Variants in ART3 observed in about 807,000 individuals in gnomAD.
The protein encoded by ART3 is ecto-ADP-ribosyltransferase 3.
ART3 carries 49 observed loss-of-function variants against 48.5 expected under a neutral mutation model. The ratio of observed to expected loss-of-function variants is 1.01; its 90% CI spans 0.80 to 1.28. The LOEUF is 1.28. ART3 is among the 50% of genes most tolerant of loss of function. The probability of loss-of-function intolerance (pLI) is 0.00; values close to 1 mark genes in which losing one functional copy is unlikely to be tolerated. For missense variants in ART3, 438 were observed against 454.3 expected, an observed-to-expected ratio of 0.96 and a Z score of 0.33; for synonymous variants, 145 against 157.2, an observed-to-expected ratio of 0.92 and a Z score of 0.58.
intron 1 of ART3, among the ~76,000 whole-genome samples, chr4:76,039,865 A>C (rs955997433): frequency 2.0e-5 from 3 of 152,220 alleles, no homozygotes; most frequent in African/African-American, 7.2e-5. Context: ...TTCATGTGTG[A>C]ATTACTACTT....
intron 3 of ART3, among the ~76,000 whole-genome samples, chr4:76,085,634 G>A (rs901927915): frequency 2.0e-5 from 3 of 152,044 alleles, no homozygotes; most frequent in Non-Finnish European, 2.9e-5. Flanking sequence ...AAAAGATAGG[G>A]GAAAAAAGAC....
At position 76,100,285 on chromosome 4, in the gene ART3, A is replaced by G. The variant is rs1451721126; in HGVS notation, c.848-6A>G. ...AAAACTGATGAACTTCTTTTCTGTG[A>G]CTCAGGTGAGAAAAACCAGAAGCTT... On this transcript the variant is annotated splice_region_variant and splice_polypyrimidine_tract_variant and intron_variant, in intron 5 of 11. Coordinates refer to ENST00000355810, the MANE Select transcript of ART3 (RefSeq NM_001130016.3). The G allele has an allele frequency of 6.2e-7, 1 of 1,611,848 alleles. No individual in the cohort carries two copies. Among genetic ancestry groups the G allele is most frequent in the Non-Finnish European group, 8.5e-7 (1 of 1,178,802 alleles).
In ART3 at chr4:76,082,442, G is replaced by A. The variant is rs1480676933; in HGVS notation, c.688G>A (p.Val230Ile). 1.2e-6 allele frequency: 2 copies of A among 1,613,646 alleles called. No individual in the cohort carries two copies. Among genetic ancestry groups the A allele is most frequent in the Admixed American group, 1.7e-5 (1 of 60,008 alleles). Residue 230 changes from valine (V) to isoleucine (I), a missense_variant, in exon 3 of 12, where the codon GTT (valine) becomes ATT (isoleucine). Physicochemically the swap from Val to Ile is conservative, Grantham distance 29. Around this residue, in one of 3 missense-constraint regions of ART3, gnomAD observed 227 missense variants for 229.6 expected, o/e 0.99. Transcript: ENST00000355810. ...AATTACTTTAATACCTCTGAATGAG[G>A]TTTTTCAAGTGTCACAGGAGGGGGC... ...ERITLIPLNE[V>I]FQVSQEGAGN...
At chr4:76,056,217 G>A (rs961899060) in intron 1 of ART3, among the ~76,000 whole-genome samples, 5 of 152,160 alleles carry the variant, frequency 3.3e-5, no homozygotes, top group African/African-American at 1.2e-4. Flanking sequence ...TTATCTCTCT[G>A]CTCATTCTAG....
chr4:76,012,467 C>A (rs1731895019), intron 1 of ART3, among the ~76,000 whole-genome samples: 2 of 152,174 alleles, frequency 1.3e-5, no homozygotes, highest in Admixed American at 1.3e-4. Context: ...GGAGTCATTC[C>A]TTCCTTCCTA....
chr4:76,063,109 G>A (rs1719392411), intron 1 of ART3, among the ~76,000 whole-genome samples: 1 of 151,884 alleles, frequency 6.6e-6, no homozygotes, highest in Non-Finnish European at 1.5e-5. Flanking sequence ...CTCTTTCACT[G>A]CGTAATTACT....
rs181938387 is a variant in ART3 at position 76,080,770 on chromosome 4, G to C, written c.70-1054G>C. Among the ~76,000 whole-genome samples the C allele has an allele frequency of 3.9e-3, 586 of 152,168 alleles. 5 individuals are homozygous for C. The highest frequency in any genetic ancestry group is 0.013 in the African/African-American group (554 of 41,524). On this transcript the variant is annotated intron_variant, in intron 2 of 11. Transcript: ENST00000355810. The stretch of plus-strand genomic sequence containing the variant: ...ATGATCTGCCCGCCTCGGCCTCCCA[G>C]AGTGCTGGGATTACAGACATGAGCC...
At chr4:76,045,880 C>T (rs2149439906) in intron 1 of ART3, among the ~76,000 whole-genome samples, 1 of 152,122 alleles carries the variant, frequency 6.6e-6, no homozygotes, top group Non-Finnish European at 1.5e-5. Context: ...GAGGATAAGC[C>T]AGTATAGGCT....
upstream of ART3, among the ~76,000 whole-genome samples, chr4:76,072,844 G>T (rs947940212): frequency 2.0e-4 from 31 of 152,030 alleles, no homozygotes; most frequent in African/African-American, 6.8e-4. Context: ...CTTGTCTCAG[G>T]GCTTTAGTAC....
chr4:76,103,423 C>G (rs1013475116), intron 8 of ART3, among the ~76,000 whole-genome samples: 1 of 152,078 alleles, frequency 6.6e-6, no homozygotes, highest in African/African-American at 2.4e-5. Context: ...TAGACAAGAA[C>G]AAAGGGACTT....
chr4:76,060,577 A>C (rs1446388927), intron 1 of ART3, among the ~76,000 whole-genome samples: 2 of 151,424 alleles, frequency 1.3e-5, no homozygotes, highest in Non-Finnish European at 2.9e-5. Flanking sequence ...GGAATCTGTG[A>C]ATATGTTATA....
At chr4:76,040,816 A>C (rs1415079040) in intron 1 of ART3, among the ~76,000 whole-genome samples, 1 of 152,092 alleles carries the variant, frequency 6.6e-6, no homozygotes, top group African/African-American at 2.4e-5. Context: ...CAGAGTAAGG[A>C]GAGGGATTGG....
chr4:76,023,289 A>G, intron 1 of ART3: 2 of 1,103,826 alleles, frequency 1.8e-6, no homozygotes, highest in South Asian at 1.3e-5. Context: ...ACTTTTACAA[A>G]TACATTATTT....
rs140539683 is a variant in ART3, at chr4:76,095,303, T to A, written c.782-2341T>A. Among the ~76,000 whole-genome samples, 51 of 151,736 alleles carry A rather than the reference T, an allele frequency of 3.4e-4. No individual in the cohort carries two copies. The East Asian group carries it at 9.7e-3, about 29-fold the overall frequency. On this transcript the variant is annotated intron_variant, in intron 3 of 11. Coordinates refer to ENST00000355810, the MANE Select transcript of ART3 (RefSeq NM_001130016.3). Reference sequence around the variant, plus strand: ...CAGGTGGATCATCCAAGGTCAGGAGTTCAAGACCAGCCTCGCCAACATGGT... The same window carrying A: ...CAGGTGGATCATCCAAGGTCAGGAGATCAAGACCAGCCTCGCCAACATGGT...
chr4:76,019,233 T>C (rs375027805), intron 1 of ART3, among the ~76,000 whole-genome samples: 3 of 151,752 alleles, frequency 2.0e-5, no homozygotes, highest in African/African-American at 4.8e-5. Context: ...GTAGAGTAAT[T>C]ACAGAGAATA....
At chr4:76,048,103 G>A (rs977172748) in intron 1 of ART3, among the ~76,000 whole-genome samples, 1 of 151,888 alleles carries the variant, frequency 6.6e-6, no homozygotes, top group Non-Finnish European at 1.5e-5. Flanking sequence ...GATTAGAGGA[G>A]GATTATCACT....
chr4:76,043,040 C>T (rs1234160315), intron 1 of ART3, among the ~76,000 whole-genome samples: 4 of 151,750 alleles, frequency 2.6e-5, no homozygotes, highest in Non-Finnish European at 5.9e-5. Flanking sequence ...TCTCCGGGGC[C>T]CCACCAGAAT....
At chr4:76,035,463 T>C in intron 1 of ART3, 1 of 976,996 alleles carries the variant, frequency 1.0e-6, no homozygotes, top group Non-Finnish European at 1.5e-6. Flanking sequence ...ATTTGTCAAA[T>C]AGCACTTAAC....
chr4:76,035,009 A>C (rs1227596144), intron 1 of ART3: 9 of 1,551,960 alleles, frequency 5.8e-6, no homozygotes, highest in African/African-American at 1.4e-5. Context: ...TGTCTTGGAT[A>C]AAACAGATTA....
Sources: gnomAD v4.1 joint callset for allele counts (sites outside exome capture counted in the v4.1 genomes callset) on GRCh38, gnomAD v4.1.1 for gene constraint, gnomAD v4.1.1 regional missense constraint, MANE v1.5 for transcripts, NCBI Gene and HGNC (gene_info 2026-07-23, HGNC 2026-07-21) for gene names.